The following EFCAB7 variants were observed in gnomAD, a reference collection of about 807,000 sequenced individuals.
EFCAB7 encodes the protein EF-hand calcium-binding domain-containing protein 7.
Under a neutral mutation model 77.1 loss-of-function variants are expected in EFCAB7, and 66 were observed. That is an observed-to-expected ratio of 0.86 (90% CI 0.70 to 1.05). The LOEUF is 1.05. Among genes scored for constraint, EFCAB7 ranks in the 50% least tolerant of loss-of-function variants. The probability of loss-of-function intolerance (pLI) is 0.00; values close to 1 mark genes in which losing one functional copy is unlikely to be tolerated. For missense variants in EFCAB7, 638 were observed against 730.5 expected, an observed-to-expected ratio of 0.87 and a Z score of 1.46; for synonymous variants, 225 against 243.3, an observed-to-expected ratio of 0.92 and a Z score of 0.70.
downstream of EFCAB7, among the ~76,000 whole-genome samples, chr1:63,575,596 T>A (rs1647388126): frequency 6.6e-6 from 1 of 151,802 alleles, no homozygotes. Context: ...ATAACACCCA[T>A]TTTTTTTGAG....
Position 63,568,495 on chromosome 1 carries a change from G to T in EFCAB7, c.1683G>T (p.Trp561Cys), listed in dbSNP as rs998307465. Residue 561 changes from tryptophan to cysteine, a missense_variant, in exon 12 of 14, where the codon TGG becomes TGT. Physicochemically the swap from Trp to Cys is radical, Grantham distance 215. Transcript: ENST00000371088. ...TGCATACTTACAGTTGTGACACCTG[G>T]ATAACGTCAGTTATTGAAAACAAGG... ...IIVHTYSCDT[W>C]ITSVIENKSD... 2.5e-6 allele frequency: 4 copies of T among 1,600,662 alleles called. No individual in the cohort carries two copies. The African/African-American group carries it at 5.4e-5, about 22-fold the overall frequency.
chr1:63,585,283 GT>G, the EFCAB7 span, among the ~76,000 whole-genome samples: 1 of 151,804 alleles, frequency 6.6e-6, no homozygotes, highest in Non-Finnish European at 1.5e-5. Context: ...TCAAATTTAT[GT>G]GCATAGAATT....
intron 6 of EFCAB7, 51 bp downstream of exon 6, chr1:63,534,267 TAA>T: frequency 6.5e-7 from 1 of 1,533,008 alleles, no homozygotes; most frequent in Non-Finnish European, 8.9e-7. Context: ...AATTTGACAT[TAA>T]GTTTATTAAT....
At position 63,551,780 on chromosome 1, in the gene EFCAB7, TGA is replaced by T. The variant is rs749735214; in HGVS notation, c.1006_1007del (p.Gln337SerfsTer14). On this transcript the variant is annotated frameshift_variant, in exon 8 of 14. Coordinates refer to ENST00000371088, the MANE Select transcript of EFCAB7 (RefSeq NM_032437.4). LOFTEE classifies it high-confidence loss of function. ...CTGCCTTGTATATTCTCAAGGAAAA[TGA>T]GAGTCAAGCAAATCTACAGCTTGTG... Reference protein sequence around the residue: ...DTALYILKENESQANLQLVCF... With the variant: ...DTALYILKENXSQANLQLVCF... The T allele has an allele frequency of 1.9e-6, 3 of 1,590,634 alleles. No individual in the cohort carries two copies. Among genetic ancestry groups the T allele is most frequent in the Admixed American group, 1.7e-5 (1 of 58,252 alleles).
intron 8 of EFCAB7, among the ~76,000 whole-genome samples, chr1:63,553,668 T>C (rs1028149108): frequency 2.0e-5 from 3 of 152,160 alleles, no homozygotes; most frequent in African/African-American, 7.2e-5. Context: ...CTTTCGGTTA[T>C]ATTGGATTTC....
rs1186402219 is a variant in EFCAB7, at chr1:63,572,525, A to G, written c.*9A>G. On this transcript the variant is annotated 3_prime_UTR_variant, in exon 14 of 14. Coordinates refer to ENST00000371088, the MANE Select transcript of EFCAB7 (RefSeq NM_032437.4). ...ATTCTCTTATTTCTTAAATAATTATACTTAGAACTTACCAAACTAAGAATT... is the reference window on the plus strand; with the variant it reads ...ATTCTCTTATTTCTTAAATAATTATGCTTAGAACTTACCAAACTAAGAATT... The G allele has an allele frequency of 2.8e-6, 4 of 1,433,402 alleles. No individual in the cohort carries two copies. The highest frequency in any genetic ancestry group is 2.6e-5 in the East Asian group (1 of 39,064). 88.8% of individuals were successfully genotyped at this position (1,433,402 alleles called of 1,614,324 possible).
chr1:63,545,268 A>G (rs1646883527), intron 6 of EFCAB7, among the ~76,000 whole-genome samples: 2 of 151,758 alleles, frequency 1.3e-5, no homozygotes, highest in East Asian at 1.9e-4. Flanking sequence ...CTAACTTTTC[A>G]TTATTGAAAT....
intron 12 of EFCAB7, 37 bp from the exon 13 acceptor site, chr1:63,570,984 G>GA (rs1223668129): frequency 7.0e-7 from 1 of 1,437,694 alleles, no homozygotes; most frequent in Non-Finnish European, 9.6e-7. Context: ...AATTATTAAA[G>GA]AAAGGAATAG....
chr1:63,564,008 T>C (rs1647141958), intron 11 of EFCAB7, among the ~76,000 whole-genome samples: 1 of 152,196 alleles, frequency 6.6e-6, no homozygotes, highest in African/African-American at 2.4e-5. Context: ...ATGATATTAA[T>C]TTCTTTCTAG....
intron 7 of EFCAB7, chr1:63,547,578 A>G (rs758203792): frequency 2.4e-4 from 37 of 152,238 alleles, no homozygotes; most frequent in Admixed American, 8.5e-4. Context: ...ACCAACTGCT[A>G]CATAAAAAAC....
chr1:63,575,516 C>T (rs1382148499), downstream of EFCAB7, among the ~76,000 whole-genome samples: 1 of 152,050 alleles, frequency 6.6e-6, no homozygotes, highest in African/African-American at 2.4e-5. Context: ...TGTGTTAGGT[C>T]CTTTATGACT....
chr1:63,526,769 AT>A (rs952440207), intron 2 of EFCAB7, among the ~76,000 whole-genome samples: 102 of 147,460 alleles, frequency 6.9e-4, no homozygotes, highest in East Asian at 3.7e-3. Flanking sequence ...CATCCAATAA[AT>A]TTTTTTTTTT....
chr1:63,553,836 TTGTC>T (rs1646995372), intron 8 of EFCAB7, among the ~76,000 whole-genome samples: 1 of 152,068 alleles, frequency 6.6e-6, no homozygotes, highest in African/African-American at 2.4e-5. Context: ...TGGTTTTTGT[TTGTC>T]TGTTTGTTTA....
rs1327203022 is a variant in EFCAB7, at chr1:63,572,438, G to A, written c.1816-4G>A. Reference sequence around the variant, plus strand: ...GAGTAAAAGCTTTCTATTTTTATGTGCAGGTTTGTCAACATGTAATGCCTT... The same window carrying A: ...GAGTAAAAGCTTTCTATTTTTATGTACAGGTTTGTCAACATGTAATGCCTT... On this transcript the variant is annotated splice_polypyrimidine_tract_variant and splice_region_variant and intron_variant, in intron 13 of 13. Transcript: ENST00000371088. 6.3e-7 allele frequency: 1 copy of A among 1,574,958 alleles called. No individual in the cohort carries two copies. Among genetic ancestry groups the A allele is most frequent in the Admixed American group, 2.0e-5 (1 of 50,462 alleles).
intron 10 of EFCAB7, among the ~76,000 whole-genome samples, chr1:63,560,168 G>A (rs1373614134): frequency 6.6e-6 from 1 of 152,030 alleles, no homozygotes. Context: ...TAACCAGGAT[G>A]GTCTCGATCT....
At chr1:63,527,351 A>C (rs1186432323) in intron 2 of EFCAB7, among the ~76,000 whole-genome samples, 1 of 152,170 alleles carries the variant, frequency 6.6e-6, no homozygotes, top group Non-Finnish European at 1.5e-5. Context: ...GTAATAATTG[A>C]TTTTAGATAA....
chr1:63,544,562 G>A (rs968842949), intron 6 of EFCAB7, among the ~76,000 whole-genome samples: 1 of 151,792 alleles, frequency 6.6e-6, no homozygotes, highest in Non-Finnish European at 1.5e-5. Flanking sequence ...ACAGGCGCAC[G>A]CCACCGTGCC....
intron 11 of EFCAB7, among the ~76,000 whole-genome samples, chr1:63,564,229 T>C (rs1209714075): frequency 2.0e-5 from 3 of 152,148 alleles, no homozygotes; most frequent in African/African-American, 7.2e-5. Context: ...AATTTACAGT[T>C]AATAGTTTTC....
intron 6 of EFCAB7, among the ~76,000 whole-genome samples, chr1:63,534,835 TG>T (rs758243814): frequency 4.6e-5 from 7 of 152,256 alleles, no homozygotes; most frequent in Non-Finnish European, 1.0e-4. Context: ...GCCACATTTT[TG>T]TTTCAAATAA....
Sources: gnomAD v4.1 joint callset for allele counts (sites outside exome capture counted in the v4.1 genomes callset) on GRCh38, gnomAD v4.1.1 for gene constraint, MANE v1.5 for transcripts, NCBI Gene and HGNC (gene_info 2026-07-23, HGNC 2026-07-21) for gene names.